DNAJC9: variants seen among roughly 807,000 people sequenced by gnomAD.
The protein encoded by DNAJC9 is DnaJ heat shock protein family (Hsp40) member C9.
DNAJC9 carries 18 observed loss-of-function variants against 32.4 expected under a neutral mutation model. The ratio of observed to expected loss-of-function variants is 0.56; its 90% confidence interval spans 0.38 to 0.82. The LOEUF (loss-of-function observed/expected upper bound fraction) is 0.82. Ranked by LOEUF, DNAJC9 falls within the 40% of genes least tolerant of loss-of-function variation. DNAJC9 has a pLI of 0.00. For synonymous variants in DNAJC9, 113 were observed against 122.1 expected, an observed-to-expected ratio of 0.93 and a Z score of 0.49; for missense variants, 310 against 321.8, an observed-to-expected ratio of 0.96 and a Z score of 0.28.
chr10:73,246,107 T>C lies in DNAJC9; in HGVS notation c.391A>G (p.Lys131Glu), dbSNP rs1244798962. ...CCCTTGAAGTCCAGATAGGCCTGCT[T>C]AATATCAGCCAGCTCTTCTTCCGAA... The part of the protein sequence containing the change: ...KGSEEELADI[K>E]QAYLDFKGDM... Residue 131 changes from lysine to glutamate, a missense_variant, in exon 3 of 5, where the codon AAG becomes GAG. Physicochemically the swap from Lys to Glu is moderately conservative, Grantham distance 56. Transcript: ENST00000372950. 4.3e-6 allele frequency: 7 copies of C among 1,614,044 alleles called. No individual in the cohort carries two copies.
intron 2 of DNAJC9, chr10:73,233,158 C>A (rs1171254727): frequency 1.3e-6 from 2 of 1,549,266 alleles, no homozygotes; most frequent in Non-Finnish European, 1.7e-6. Context: ...TCAGAGGAGC[C>A]CGAGTGTAGG....
Position 73,243,830 on chromosome 10 carries a change from C to G in DNAJC9, c.663+13G>C. The G allele has an allele frequency of 6.2e-7, 1 of 1,606,720 alleles. No individual in the cohort carries two copies. The highest frequency in any genetic ancestry group is 8.5e-7 in the Non-Finnish European group (1 of 1,176,254). On this transcript the variant is annotated intron_variant, in intron 4 of 4. Coordinates refer to ENST00000372950, the MANE Select transcript of DNAJC9 (RefSeq NM_015190.5). The stretch of plus-strand genomic sequence containing the variant: ...AGATCATTAAAGATGTGGCAACAAA[C>G]TGCCAAGTTTACCTGAATGGCTGCC...
downstream of DNAJC9, among the ~76,000 whole-genome samples, chr10:73,237,004 T>A (rs1026514231): frequency 6.6e-6 from 1 of 151,936 alleles, no homozygotes; most frequent in African/African-American, 2.4e-5. Flanking sequence ...ATGAGCCACA[T>A]GCCCAGCCTG....
downstream of DNAJC9, chr10:73,235,376 G>T (rs1476833468): frequency 6.5e-7 from 1 of 1,544,804 alleles, no homozygotes; most frequent in Non-Finnish European, 8.7e-7. Context: ...AAGGTGGGGG[G>T]AATAATAGTT....
At chr10:73,239,740 T>G (rs533690844), downstream of DNAJC9, among the ~76,000 whole-genome samples, 1 of 152,268 alleles carries the variant, frequency 6.6e-6, no homozygotes, top group Admixed American at 6.5e-5. Flanking sequence ...TAGCATGGAT[T>G]TTATTATGCA....
intron 3 of DNAJC9, among the ~76,000 whole-genome samples, chr10:73,245,230 G>T (rs1332430004): frequency 6.6e-6 from 1 of 152,056 alleles, no homozygotes; most frequent in Non-Finnish European, 1.5e-5. Context: ...CGTCTCTTAT[G>T]TAAAAGCTGC....
Position 73,247,018 on chromosome 10 carries a change from G to C in DNAJC9, c.172C>G (p.Arg58Gly). The C allele has an allele frequency of 6.6e-7, 1 of 1,522,600 alleles. No homozygotes were observed. Among genetic ancestry groups the C allele is most frequent in the Non-Finnish European group, 8.8e-7 (1 of 1,131,820 alleles). 94.3% of individuals were successfully genotyped at this position (1,522,600 alleles called of 1,614,324 possible). A position where few individuals can be genotyped will look rare whatever the true frequency, so the allele number is the denominator to read the frequency against. The stretch of plus-strand genomic sequence containing the variant: ...GGCGGGACCCTGCATACCTGGAAGC[G>C]GCGGGTGGCGTCCTCCTTGTCGCCC... ...GEGDKEDATRRFQILGKVYSV... is the reference protein window; with the variant it reads ...GEGDKEDATRGFQILGKVYSV... The change falls in exon 1 of 5, where the codon CGC (arginine) becomes GGC (glycine). Residue 58 changes from arginine to glycine, a missense_variant. By Grantham distance (125) the Arg-to-Gly change is moderately radical. Coordinates refer to ENST00000372950, the MANE Select transcript of DNAJC9 (RefSeq NM_015190.5).
chr10:73,245,861 A>G, intron 3 of DNAJC9, 61 bp downstream of exon 3: 2 of 1,585,822 alleles, frequency 1.3e-6, no homozygotes, highest in Non-Finnish European at 8.6e-7. Context: ...ACTGCTGTAA[A>G]TACTCTCAAA....
downstream of DNAJC9, chr10:73,235,001 C>T (rs2043790836): frequency 3.3e-6 from 5 of 1,528,364 alleles, no homozygotes; most frequent in Middle Eastern, 3.4e-4. Flanking sequence ...GGCAGTAATT[C>T]TGCAGGATCT....
chr10:73,243,635 G>T lies in DNAJC9; in HGVS notation c.664-116C>A. On this transcript the variant is annotated intron_variant, in intron 4 of 4. Coordinates refer to ENST00000372950, the MANE Select transcript of DNAJC9 (RefSeq NM_015190.5). ...CTACTAATGGGTATGGAGTTTTTTT[G>T]GAATGGTGAAAATGTCCTACAATTG... 5.8e-6 allele frequency: 8 copies of T among 1,376,920 alleles called. No homozygotes were observed. In the South Asian group the frequency reaches 9.5e-5, roughly 16 times the overall value. The allele number at this position is 1,376,920 out of a possible 1,614,324, so 85.3% of individuals were successfully genotyped here.
At chr10:73,234,995 G>A (rs2043790721), downstream of DNAJC9, 17 of 1,535,328 alleles carry the variant, frequency 1.1e-5, no homozygotes, top group Non-Finnish European at 1.5e-5. Flanking sequence ...CTAATGGGCA[G>A]TAATTCTGCA....
downstream of DNAJC9, chr10:73,238,701 CTCT>C (rs1347090793): frequency 1.3e-5 from 2 of 152,198 alleles, no homozygotes; most frequent in Non-Finnish European, 2.9e-5. Flanking sequence ...TTCCTGAAAT[CTCT>C]TGATTTCAGT....
chr10:73,246,934 G>A (rs528179834), intron 1 of DNAJC9, 76 bp downstream of exon 1: 80 of 1,577,454 alleles, frequency 5.1e-5, no homozygotes, highest in Non-Finnish European at 6.7e-5. Context: ...GCGCTCCCCC[G>A]GGGCGGGGCC....
intron 3 of DNAJC9, among the ~76,000 whole-genome samples, chr10:73,245,317 C>T (rs12250119): frequency 0.15 from 23,278 of 151,670 alleles, 4,496 homozygotes; most frequent in African/African-American, 0.46. Context: ...ATCTAACGCC[C>T]GATGATCTAA....
downstream of DNAJC9, chr10:73,241,337 A>G (rs1415252410): frequency 3.1e-6 from 1 of 326,730 alleles, no homozygotes; most frequent in East Asian, 7.9e-5. Flanking sequence ...GATCAGTTCA[A>G]TCATATAGGA....
downstream of DNAJC9, chr10:73,239,218 A>T: frequency 9.6e-7 from 1 of 1,044,926 alleles, no homozygotes; most frequent in Non-Finnish European, 1.4e-6. Flanking sequence ...GCCTTTTACC[A>T]CTGTTGATTT....
downstream of DNAJC9, chr10:73,241,136 G>A (rs2043943400): frequency 7.0e-6 from 5 of 710,912 alleles, no homozygotes; most frequent in Non-Finnish European, 1.2e-5. Context: ...TCTTCATGAA[G>A]AGTGATTTTG....
At chr10:73,239,237 TC>T, downstream of DNAJC9, 1 of 1,270,814 alleles carries the variant, frequency 7.9e-7, no homozygotes. Flanking sequence ...TTCAAGGTGT[TC>T]CTGTGAACCT....
chr10:73,247,119 C>A lies in DNAJC9; in HGVS notation c.71G>T (p.Arg24Leu), dbSNP rs567605239. 7.6e-5 allele frequency: 122 copies of A among 1,595,576 alleles called. 1 individual carries two copies. In the South Asian group the frequency reaches 1.0e-3, roughly 13 times the overall value. Residue 24 changes from arginine to leucine, a missense_variant, in exon 1 of 5, where the codon CGC becomes CTC. Transcript: ENST00000372950. ...ADLYRVLGVR[R>L]EASDGEVRRG... ...TCGGACCTCGCCGTCGGAGGCCTCG[C>A]GTCGCACGCCCAGCACCCGGTAAAG...
Sources: allele counts gnomAD v4.1 joint callset (sites outside exome capture counted in the v4.1 genomes callset), GRCh38; gene constraint gnomAD v4.1.1; transcripts MANE v1.5; gene names NCBI Gene and HGNC (gene_info 2026-07-23, HGNC 2026-07-21).